The following MMP26 variants were observed in gnomAD, a reference collection of about 807,000 sequenced individuals.
The protein encoded by MMP26 is matrix metallopeptidase 26, also known as matrix metalloproteinase-26.
In MMP26, 33 loss-of-function variants were observed where a neutral mutation model predicts 31.0. The ratio of observed to expected loss-of-function variants is 1.06; its 90% CI spans 0.81 to 1.42. The LOEUF (loss-of-function observed/expected upper bound fraction) is 1.42. Ranked by LOEUF, MMP26 falls within the 40% of genes most tolerant of loss-of-function variation. The pLI, the probability that MMP26 is intolerant of heterozygous loss-of-function variation, is 0.00. For synonymous variants in MMP26, 122 were observed against 114.9 expected, an observed-to-expected ratio of 1.06 and a Z score of -0.40; for missense variants, 347 against 316.1, an observed-to-expected ratio of 1.10 and a Z score of -0.74.
At chr11:4,821,434 A>C in intron 2 of MMP26, 1 of 1,613,940 alleles carries the variant, frequency 6.2e-7, no homozygotes, top group Non-Finnish European at 8.5e-7. Context: ...GTCGGTCCTC[A>C]ATAATACCAT....
chr11:4,707,356 G>C (rs886941517), intron 1 of MMP26, among the ~76,000 whole-genome samples: 1 of 152,048 alleles, frequency 6.6e-6, no homozygotes, highest in Non-Finnish European at 1.5e-5. Context: ...CAAGTCCTTT[G>C]TCCCTTTTTA....
In MMP26 at chr11:4,914,939, G is replaced by A. The variant is rs1221414157; in HGVS notation, c.-144-73129G>A. On this transcript the variant is annotated intron_variant, in intron 2 of 7. Transcript: ENST00000380390. ...GATGTGGGAAACACAGGTGTTAAGG[G>A]CCTTGAATCTCTCAGCCCTGGAGGC... 5.0e-6 allele frequency: 8 copies of A among 1,613,990 alleles called. No individual in the cohort carries two copies. The highest frequency in any genetic ancestry group is 2.2e-5 in the South Asian group (2 of 91,084).
chr11:4,811,623 GA>G (rs1209294447), intron 2 of MMP26, among the ~76,000 whole-genome samples: 13 of 151,946 alleles, frequency 8.6e-5, no homozygotes, highest in African/African-American at 3.1e-4. Flanking sequence ...TAGTATATTG[GA>G]AGCAGAATAA....
chr11:4,875,419 A>G (rs1055804791), intron 2 of MMP26: 2 of 152,122 alleles, frequency 1.3e-5, no homozygotes, highest in African/African-American at 4.8e-5. Context: ...AGTTCTTTAG[A>G]TCAGAAGTCC....
At chr11:4,872,908 A>T (rs576735215) in intron 2 of MMP26, among the ~76,000 whole-genome samples, 1 of 152,190 alleles carries the variant, frequency 6.6e-6, no homozygotes, top group South Asian at 2.1e-4. Flanking sequence ...AGTTGAAGAG[A>T]CAAGCTGGAC....
At chr11:4,756,104 G>A (rs1848501772) in intron 1 of MMP26, among the ~76,000 whole-genome samples, 1 of 151,790 alleles carries the variant, frequency 6.6e-6, no homozygotes, top group African/African-American at 2.4e-5. Flanking sequence ...GAAAAACAAA[G>A]AACACATTGG....
intron 1 of MMP26, among the ~76,000 whole-genome samples, chr11:4,712,892 A>C (rs1240262085): frequency 6.6e-6 from 1 of 151,738 alleles, no homozygotes; most frequent in Non-Finnish European, 1.5e-5. Context: ...ATCCAATACT[A>C]TGGTCTATAC....
At chr11:4,855,735 C>A (rs1850041625) in intron 2 of MMP26, among the ~76,000 whole-genome samples, 1 of 152,132 alleles carries the variant, frequency 6.6e-6, no homozygotes, top group South Asian at 2.1e-4. Flanking sequence ...CACAATGATA[C>A]TCCTCGAGAA....
At chr11:4,775,719 G>C (rs1466638701) in intron 2 of MMP26, among the ~76,000 whole-genome samples, 1 of 151,024 alleles carries the variant, frequency 6.6e-6, no homozygotes, top group Non-Finnish European at 1.5e-5. Context: ...AGCGAGTGCA[G>C]AGAGTACAAG....
intron 2 of MMP26, among the ~76,000 whole-genome samples, chr11:4,825,953 T>G (rs1477069882): frequency 6.6e-6 from 1 of 152,036 alleles, no homozygotes; most frequent in African/African-American, 2.4e-5. Context: ...TAGAGAATTA[T>G]TAACAAGGAG....
At chr11:4,837,703 G>A (rs910692182) in intron 2 of MMP26, among the ~76,000 whole-genome samples, 5 of 151,876 alleles carry the variant, frequency 3.3e-5, no homozygotes, top group East Asian at 1.9e-4. Context: ...TGTAATTAAA[G>A]TAATAAAAAC....
chr11:4,824,276 C>T (rs1849552374), intron 2 of MMP26, among the ~76,000 whole-genome samples: 1 of 152,080 alleles, frequency 6.6e-6, no homozygotes, highest in Non-Finnish European at 1.5e-5. Flanking sequence ...ATGCTGGGTA[C>T]ATCCTAGAAG....
chr11:4,970,767 C>G (rs111467107), intron 2 of MMP26, among the ~76,000 whole-genome samples: 1,924 of 152,222 alleles, frequency 0.013, 52 homozygotes, highest in African/African-American at 0.044. Context: ...CAGTGGCAGA[C>G]CCAGGAAAGA....
intron 1 of MMP26, 49 bp from the exon 2 acceptor site, chr11:4,767,221 T>C (rs1189534034): frequency 2.0e-5 from 3 of 152,200 alleles, no homozygotes; most frequent in Non-Finnish European, 4.4e-5. Flanking sequence ...AGATAATTCT[T>C]CCATGAATAG....
intron 2 of MMP26, among the ~76,000 whole-genome samples, chr11:4,829,719 C>G (rs1311092908): frequency 1.3e-5 from 2 of 152,104 alleles, no homozygotes; most frequent in Non-Finnish European, 2.9e-5. Flanking sequence ...TGTTACTTAC[C>G]TAAAGCCATC....
chr11:4,761,101 G>A (rs745936643), intron 1 of MMP26, among the ~76,000 whole-genome samples: 17 of 152,196 alleles, frequency 1.1e-4, no homozygotes, highest in Admixed American at 4.6e-4. Flanking sequence ...CCAAGGGTAA[G>A]CGGGGAGAGC....
chr11:4,733,937 A>T (rs1403320927), intron 1 of MMP26, among the ~76,000 whole-genome samples: 1 of 152,134 alleles, frequency 6.6e-6, no homozygotes, highest in East Asian at 1.9e-4. Flanking sequence ...ATGATCATGT[A>T]GTTTTTGTTC....
chr11:4,783,202 G>A (rs1160267664), intron 2 of MMP26, among the ~76,000 whole-genome samples: 2 of 152,248 alleles, frequency 1.3e-5, no homozygotes, highest in South Asian at 2.1e-4. Flanking sequence ...AAAGCAACCA[G>A]GTGGGAGGAT....
At chr11:4,732,298 C>G (rs1189291523) in intron 1 of MMP26, among the ~76,000 whole-genome samples, 1 of 151,950 alleles carries the variant, frequency 6.6e-6, no homozygotes, top group Non-Finnish European at 1.5e-5. Flanking sequence ...TACTTATATT[C>G]CAGGGAAACT....
Sources: allele counts gnomAD v4.1 joint callset (sites outside exome capture counted in the v4.1 genomes callset), GRCh38; gene constraint gnomAD v4.1.1; transcripts MANE v1.5; gene names NCBI Gene and HGNC (gene_info 2026-07-23, HGNC 2026-07-21).